Variants in ADAM18 observed in about 807,000 individuals in gnomAD.
ADAM18 encodes disintegrin and metalloproteinase domain-containing protein 18.
A neutral mutation model predicts 94.4 loss-of-function variants in ADAM18; 117 were observed. The observed-to-expected ratio is 1.24, with a 90% CI of 1.07 to 1.45. ADAM18 has a LOEUF of 1.45. Among genes scored for constraint, ADAM18 ranks in the 40% most tolerant of loss-of-function variants. The probability of loss-of-function intolerance (pLI) is 0.00; values close to 1 mark genes in which losing one functional copy is unlikely to be tolerated. For synonymous variants in ADAM18, 327 were observed against 291.6 expected (o/e 1.12, Z -1.24); for missense variants, 936 against 880.0 (o/e 1.06, Z -0.81).
chr8:39,718,430 A>G (rs1478248344), intron 18 of ADAM18, among the ~76,000 whole-genome samples: 1 of 151,658 alleles, frequency 6.6e-6, no homozygotes, highest in African/African-American at 2.4e-5. Flanking sequence ...TCTTGAGTAC[A>G]TGATGCTAAG....
intron 18 of ADAM18, among the ~76,000 whole-genome samples, chr8:39,708,091 G>A (rs550021832): frequency 6.6e-6 from 1 of 152,276 alleles, no homozygotes; most frequent in East Asian, 1.9e-4. Context: ...AGGAATGATG[G>A]GAGATTTCAT....
In ADAM18 at chr8:39,665,910, C is replaced by A. The variant is rs367775604; in HGVS notation, c.1326+2020C>A. On this transcript the variant is annotated intron_variant, in intron 13 of 19. Transcript: ENST00000265707. ...GAAAAAAAATTAAATGAATTAACAT[C>A]ATTTGTTTCATTTCAGAGGTCTATT... Among the ~76,000 whole-genome samples, 354 of 152,188 alleles carry A rather than the reference C, an allele frequency of 2.3e-3. 4 individuals carry two copies. Among genetic ancestry groups the A allele is most frequent in the African/African-American group, 8.2e-3 (339 of 41,514 alleles).
intron 2 of ADAM18, among the ~76,000 whole-genome samples, chr8:39,595,006 C>T (rs1170874130): frequency 6.6e-6 from 1 of 151,908 alleles, no homozygotes; most frequent in Non-Finnish European, 1.5e-5. Context: ...GTCCCCGAAG[C>T]TCTGTGCATT....
At chr8:39,615,629 G>A (rs549761251) in intron 6 of ADAM18, among the ~76,000 whole-genome samples, 2 of 152,226 alleles carry the variant, frequency 1.3e-5, no homozygotes, top group South Asian at 2.1e-4. Flanking sequence ...AAAGCTGGAA[G>A]CATTCCTCTT....
chr8:39,618,598 C>T (rs567825824), intron 6 of ADAM18, among the ~76,000 whole-genome samples: 4 of 152,070 alleles, frequency 2.6e-5, no homozygotes, highest in South Asian at 4.1e-4. Context: ...AGAAACACGA[C>T]GTGAAGCTAG....
intron 12 of ADAM18, among the ~76,000 whole-genome samples, chr8:39,655,247 G>GA (rs1364951367): frequency 6.6e-6 from 1 of 152,070 alleles, no homozygotes; most frequent in East Asian, 1.9e-4. Context: ...CATGCATATA[G>GA]ATATTTCATT....
Position 39,584,702 on chromosome 8 carries a change from T to A in ADAM18, c.55+25T>A, listed in dbSNP as rs369442976. ...GGTAAGTCCATGGGAGCCTCCCCTT[T>A]CTTCTTCGACTTTATAGCTGGGCTG... On this transcript the variant is annotated intron_variant, in intron 1 of 19. Coordinates refer to ENST00000265707, the MANE Select transcript of ADAM18 (RefSeq NM_014237.3). 16 of 1,610,320 alleles carry A rather than the reference T, an allele frequency of 9.9e-6. No homozygotes were observed. In the African/African-American group the frequency reaches 2.1e-4, roughly 22 times the overall value.
At chr8:39,668,491 T>A (rs893345216) in intron 14 of ADAM18, among the ~76,000 whole-genome samples, 4 of 152,192 alleles carry the variant, frequency 2.6e-5, no homozygotes, top group African/African-American at 9.7e-5. Flanking sequence ...TTCTAAAATT[T>A]ATATAATTTC....
At chr8:39,602,953 A>T (rs931131963) in intron 2 of ADAM18, among the ~76,000 whole-genome samples, 2 of 152,130 alleles carry the variant, frequency 1.3e-5, no homozygotes, top group African/African-American at 4.8e-5. Context: ...CTTTAAGTCT[A>T]CAATTTCTTT....
Position 39,648,500 on chromosome 8 carries a change from T to A in ADAM18, c.1203T>A (p.Asn401Lys), listed in dbSNP as rs748688770. 1.2e-6 allele frequency: 2 copies of A among 1,608,310 alleles called. No individual in the cohort carries two copies. Among genetic ancestry groups the A allele is most frequent in the Non-Finnish European group, 1.7e-6 (2 of 1,177,832 alleles). ...PVCGNGILES[N>K]EECDCGNKNE... Reference sequence around the variant, plus strand: ...GTGGTAATGGGATTTTGGAATCCAATGAAGAATGTGACTGTGGTAATAAAA... The same window carrying A: ...GTGGTAATGGGATTTTGGAATCCAAAGAAGAATGTGACTGTGGTAATAAAA... Residue 401 changes from asparagine to lysine, a missense_variant, in exon 12 of 20, where the codon AAT becomes AAA. Physicochemically the swap from Asn to Lys is moderately conservative, Grantham distance 94. Transcript: ENST00000265707.
chr8:39,584,585 T>C lies in ADAM18; in HGVS notation c.-38T>C, dbSNP rs1258898646. ...GCGAGCTCAACGCTGCTCAACGGTCTCTGTCCTTGGCTGTGGCTCCTGCGC... is the reference window on the plus strand; with the variant it reads ...GCGAGCTCAACGCTGCTCAACGGTCCCTGTCCTTGGCTGTGGCTCCTGCGC... On this transcript the variant is annotated 5_prime_UTR_variant, in exon 1 of 20. Coordinates refer to ENST00000265707, the MANE Select transcript of ADAM18 (RefSeq NM_014237.3). 10 of 1,609,756 alleles carry C rather than the reference T, an allele frequency of 6.2e-6. No homozygotes were observed. Among genetic ancestry groups the C allele is most frequent in the Middle Eastern group, 1.6e-4 (1 of 6,078 alleles).
intron 14 of ADAM18, among the ~76,000 whole-genome samples, chr8:39,670,189 G>A (rs1232057562): frequency 6.6e-6 from 1 of 151,424 alleles, no homozygotes; most frequent in Admixed American, 6.6e-5. Flanking sequence ...AAATTTGTTT[G>A]AGTTCATTGT....
chr8:39,723,638 A>T, intron 18 of ADAM18, 110 bp from the exon 19 acceptor site: 2 of 683,094 alleles, frequency 2.9e-6, no homozygotes, highest in Non-Finnish European at 4.3e-6. Context: ...AGTAGTTTGC[A>T]ATGCATTAAA....
rs150066153 is a variant in ADAM18 at position 39,647,961 on chromosome 8, G to A, written c.1047-383G>A. Among the ~76,000 whole-genome samples, 592 of 152,270 alleles carry A rather than the reference G, an allele frequency of 3.9e-3. 6 individuals are homozygous for A. Among genetic ancestry groups the A allele is most frequent in the African/African-American group, 0.014 (565 of 41,546 alleles). Reference sequence around the variant, plus strand: ...TGTCTTCTCTTTCTACATAGACAGAGTAACAGTCTGATCTCTCTTTCTTTT... The same window carrying A: ...TGTCTTCTCTTTCTACATAGACAGAATAACAGTCTGATCTCTCTTTCTTTT... On this transcript the variant is annotated intron_variant, in intron 11 of 19. Transcript: ENST00000265707.
At chr8:39,698,924 A>G (rs1308599805) in intron 17 of ADAM18, among the ~76,000 whole-genome samples, 4 of 152,096 alleles carry the variant, frequency 2.6e-5, no homozygotes, top group Non-Finnish European at 5.9e-5. Flanking sequence ...GAATTACAGC[A>G]GTGCTTTAGA....
chr8:39,656,258 G>C (rs556576610), intron 12 of ADAM18, among the ~76,000 whole-genome samples: 50 of 151,676 alleles, frequency 3.3e-4, no homozygotes, highest in African/African-American at 1.2e-3. Context: ...TAAAATTATA[G>C]TTATTAAGGC....
At chr8:39,620,357 C>CAAAAAAAAAAAAAAAACAAAAAAAAAAA (rs1819574465) in intron 6 of ADAM18, among the ~76,000 whole-genome samples, 1 of 90,566 alleles carries the variant, frequency 1.1e-5, no homozygotes, top group African/African-American at 4.4e-5. Context: ...GCAACAAAAG[C>CAAAAAAAAAAAAAAAACAAAAAAAAAAA]AAAAAAAAAA....
chr8:39,586,796 C>A (rs571140387), intron 2 of ADAM18, among the ~76,000 whole-genome samples: 1 of 135,024 alleles, frequency 7.4e-6, no homozygotes, highest in Non-Finnish European at 1.7e-5. Flanking sequence ...ATCTATCTAT[C>A]TATCTATATC....
intron 13 of ADAM18, among the ~76,000 whole-genome samples, chr8:39,666,602 G>C (rs1820997730): frequency 6.6e-6 from 1 of 152,166 alleles, no homozygotes; most frequent in African/African-American, 2.4e-5. Context: ...CCTCATGGCT[G>C]GGAAGGCCTC....
Sources: gnomAD v4.1 joint callset for allele counts (sites outside exome capture counted in the v4.1 genomes callset) on GRCh38, gnomAD v4.1.1 for gene constraint, MANE v1.5 for transcripts, NCBI Gene and HGNC (gene_info 2026-07-23, HGNC 2026-07-21) for gene names.